TBC1D1: variants seen among roughly 807,000 people sequenced by gnomAD.
TBC1D1 encodes the protein TBC1 (tre-2/USP6, BUB2, cdc16) domain family, member 1.
A neutral mutation model predicts 125.6 loss-of-function variants in TBC1D1; 89 were observed. That is an observed-to-expected ratio of 0.71 (90% CI 0.60 to 0.85). The LOEUF (loss-of-function observed/expected upper bound fraction) is 0.85. TBC1D1 is among the 40% of genes least tolerant of loss of function. The pLI is 0.00. For synonymous variants in TBC1D1, 565 were observed against 564.1 expected, an observed-to-expected ratio of 1.00 and a Z score of -0.02; for missense variants, 1,377 against 1,469.2, an observed-to-expected ratio of 0.94 and a Z score of 1.03.
intron 10 of TBC1D1, among the ~76,000 whole-genome samples, chr4:38,046,626 C>T (rs370620470): frequency 6.6e-6 from 1 of 152,114 alleles, no homozygotes; most frequent in South Asian, 2.1e-4. Context: ...TCAACCTTCA[C>T]ACCCCCTTTC....
chr4:38,049,682 C>T lies in TBC1D1; in HGVS notation c.1694C>T (p.Ser565Phe). The stretch of plus-strand genomic sequence containing the variant: ...GAGAGCTCCTTTAAGCTCCTCGGCT[C>T]CTCGGAGGACCTGTCCAGTGACTCG... The change falls in exon 11 of 20, where the codon TCC (serine) becomes TTC (phenylalanine). Residue 565 changes from serine to phenylalanine, a missense_variant. Around this residue, in one of 3 missense-constraint regions of TBC1D1, gnomAD observed 822 missense variants for 824.6 expected, o/e 1.00. Transcript: ENST00000261439. The T allele has an allele frequency of 1.2e-6, 2 of 1,614,150 alleles. No individual in the cohort carries two copies. The highest frequency in any genetic ancestry group is 1.3e-5 in the African/African-American group (1 of 75,042).
chr4:38,115,504 T>G (rs960754985), intron 15 of TBC1D1, among the ~76,000 whole-genome samples: 1 of 152,200 alleles, frequency 6.6e-6, no homozygotes, highest in African/African-American at 2.4e-5. Context: ...AAAACAACCA[T>G]GAGTAATTGC....
rs1165843689 is a variant in TBC1D1 at position 37,977,082 on chromosome 4, C to G, written c.418-37427C>G. Among the ~76,000 whole-genome samples, 1 of 152,140 alleles carries G rather than the reference C, an allele frequency of 6.6e-6. No individual in the cohort carries two copies. The highest frequency in any genetic ancestry group is 2.4e-5 in the African/African-American group (1 of 41,444). On this transcript the variant is annotated intron_variant, in intron 2 of 19. Transcript: ENST00000261439. The surrounding 1 kb of genome is among the most constrained non-coding windows in gnomAD (Gnocchi z 4.3). Reference sequence around the variant, plus strand: ...AATTCTTAGATTTCTGAAAGTTGTGCGAAACGGACCCCAGAGGCCTGGAAA... The same window carrying G: ...AATTCTTAGATTTCTGAAAGTTGTGGGAAACGGACCCCAGAGGCCTGGAAA...
At chr4:38,052,013 A>G (rs1173136571) in intron 11 of TBC1D1, 8 of 1,550,938 alleles carry the variant, frequency 5.2e-6, no homozygotes, top group Admixed American at 2.0e-5. Flanking sequence ...TTAAGTACCT[A>G]AAACATAATT....
At chr4:38,021,812 A>C (rs1228478060) in intron 6 of TBC1D1, 94 bp downstream of exon 6, 1 of 1,329,764 alleles carries the variant, frequency 7.5e-7, no homozygotes, top group African/African-American at 1.5e-5. Flanking sequence ...GATTCTGCCT[A>C]ACAGAGGCTT....
chr4:37,942,468 C>T (rs1307553202), intron 2 of TBC1D1, among the ~76,000 whole-genome samples: 1 of 152,090 alleles, frequency 6.6e-6, no homozygotes, highest in Non-Finnish European at 1.5e-5. Flanking sequence ...TGGGTCTTGA[C>T]TCTTTATCCA....
At chr4:38,024,171 G>A (rs924756497) in intron 6 of TBC1D1, among the ~76,000 whole-genome samples, 9 of 152,172 alleles carry the variant, frequency 5.9e-5, no homozygotes, top group Non-Finnish European at 8.8e-5. Context: ...TGTTTTCCAC[G>A]TTGTTACTAT....
intron 18 of TBC1D1, 48 bp downstream of exon 20, chr4:38,125,179 G>T: frequency 6.4e-7 from 1 of 1,570,880 alleles, no homozygotes; most frequent in Non-Finnish European, 8.7e-7. Flanking sequence ...TCCTAGATAT[G>T]TAGAAACTTA....
chr4:38,064,449 T>C (rs1271683250), intron 12 of TBC1D1, among the ~76,000 whole-genome samples: 4 of 152,174 alleles, frequency 2.6e-5, no homozygotes, highest in African/African-American at 9.7e-5. Context: ...CAGGCTGCCA[T>C]GTGCCTTTCT....
chr4:38,061,290 CA>C (rs144818837), intron 12 of TBC1D1, among the ~76,000 whole-genome samples: 20 of 145,060 alleles, frequency 1.4e-4, no homozygotes, highest in Middle Eastern at 3.5e-3. Context: ...GTCAAGCCTA[CA>C]AAAAAAAAAT....
At chr4:38,023,813 A>G (rs528838544) in intron 6 of TBC1D1, among the ~76,000 whole-genome samples, 22 of 152,138 alleles carry the variant, frequency 1.4e-4, no homozygotes, top group Admixed American at 5.2e-4. Flanking sequence ...CCTGCTTTCA[A>G]TTCTTTCGGT....
chr4:38,098,091 G>C (rs921785474), intron 14 of TBC1D1, among the ~76,000 whole-genome samples: 3 of 152,216 alleles, frequency 2.0e-5, no homozygotes, highest in Admixed American at 6.5e-5. Flanking sequence ...ATGGACACCA[G>C]CTTTCAGTGT....
chr4:38,102,109 GGGA>G (rs1760453433), intron 14 of TBC1D1, among the ~76,000 whole-genome samples: 1 of 108,384 alleles, frequency 9.2e-6, no homozygotes, highest in South Asian at 3.9e-4. Context: ...GGGGGGAGGG[GGGA>G]GGGATAGCAT....
At chr4:37,905,906 A>G (rs187169311) in intron 2 of TBC1D1, among the ~76,000 whole-genome samples, 4 of 151,356 alleles carry the variant, frequency 2.6e-5, no homozygotes, top group South Asian at 4.2e-4. Context: ...TCCATTAGAA[A>G]CTCTGCTCTT....
chr4:38,091,672 G>T (rs1266364395), intron 13 of TBC1D1, among the ~76,000 whole-genome samples: 21 of 152,224 alleles, frequency 1.4e-4, no homozygotes. Flanking sequence ...CTCACAGCTG[G>T]CTTCTTTGTG....
At chr4:38,074,611 C>A in intron 12 of TBC1D1, among the ~76,000 whole-genome samples, 1 of 152,224 alleles carries the variant, frequency 6.6e-6, no homozygotes, top group South Asian at 2.1e-4. Flanking sequence ...TCAAAGCAGC[C>A]GACTTCTCCT....
At chr4:38,116,350 C>T (rs1479635512) in intron 16 of TBC1D1, among the ~76,000 whole-genome samples, 2 of 152,160 alleles carry the variant, frequency 1.3e-5, no homozygotes, top group East Asian at 1.9e-4. Context: ...CTCACCCCCA[C>T]CCTTGTCATC....
rs1008517393 is a variant in TBC1D1, at chr4:38,115,942, G to A, written c.2790G>A (p.Met930Ile). Residue 930 changes from methionine to isoleucine, a missense_variant, in exon 16 of 20, where the codon ATG (methionine) becomes ATA (isoleucine). Physicochemically the swap from Met to Ile is conservative, Grantham distance 10. Transcript: ENST00000261439. ...TGCGGAAACAGTATCGGCCAGACAT[G>A]ATTATTTTACAGGTATAGAGTGTTC... is the stretch of plus-strand genomic sequence containing the variant. 1.1e-5 allele frequency: 17 copies of A among 1,613,986 alleles called. No homozygotes were observed. Among genetic ancestry groups the A allele is most frequent in the Admixed American group, 1.7e-5 (1 of 59,986 alleles).
intron 18 of TBC1D1, 30 bp from the exon 21 acceptor site, chr4:38,133,054 A>C (rs1189894774): frequency 6.3e-7 from 1 of 1,592,818 alleles, no homozygotes; most frequent in East Asian, 2.2e-5. Context: ...TCTCAGTTTT[A>C]GTACGTGATG....
Sources: gnomAD v4.1 joint callset for allele counts (sites outside exome capture counted in the v4.1 genomes callset) on GRCh38, gnomAD v4.1.1 for gene constraint, gnomAD v4.1.1 regional missense constraint, Gnocchi (gnomAD v3.1) non-coding constraint, MANE v1.5 for transcripts, NCBI Gene and HGNC (gene_info 2026-07-23, HGNC 2026-07-21) for gene names.